Variants in PTPRD observed in about 807,000 individuals in gnomAD.
The protein encoded by PTPRD is receptor-type tyrosine-protein phosphatase delta.
Under a neutral mutation model 214.5 loss-of-function variants are expected in PTPRD, and 34 were observed. The observed-to-expected ratio is 0.16, with a 90% CI of 0.12 to 0.21. The LOEUF is 0.21. PTPRD is among the 10% of genes least tolerant of loss of function. The pLI is 1.00. For synonymous variants in PTPRD, 1,128 were observed against 845.7 expected, an observed-to-expected ratio of 1.33 and a Z score of -5.79; for missense variants, 2,545 against 2,398.7, an observed-to-expected ratio of 1.06 and a Z score of -1.27.
At chr9:9,397,119 A>G (rs978284708) in intron 9 of PTPRD, among the ~76,000 whole-genome samples, 20 of 152,030 alleles carry the variant, frequency 1.3e-4, no homozygotes, top group African/African-American at 4.6e-4. Flanking sequence ...TCTGCTATCA[A>G]TCTAAAAACT....
At chr9:9,738,439 C>T (rs1293590306) in intron 6 of PTPRD, among the ~76,000 whole-genome samples, 22 of 76,502 alleles carry the variant, frequency 2.9e-4, no homozygotes, top group East Asian at 1.3e-3. Flanking sequence ...CACTCACTCA[C>T]TTTTTTTTTT....
chr9:8,853,210 T>C (rs745332977), intron 11 of PTPRD, among the ~76,000 whole-genome samples: 1 of 152,180 alleles, frequency 6.6e-6, no homozygotes, highest in Non-Finnish European at 1.5e-5. Context: ...GGCATTATTA[T>C]TTAGGTTACA....
rs2099952358 is a variant in PTPRD, at chr9:9,216,523, G to A, written c.-202-33160C>T. ...CTCTCCAGCCTCAAAGACTAAGCCT[G>A]ATTAACTACACAGCCGTCATCTTCC... On this transcript the variant is annotated intron_variant, in intron 9 of 45. Coordinates refer to ENST00000381196, the MANE Select transcript of PTPRD (RefSeq NM_002839.4). Among the ~76,000 whole-genome samples, 7 of 152,114 alleles carry A rather than the reference G, an allele frequency of 4.6e-5. No individual in the cohort carries two copies. The South Asian group carries it at 1.5e-3, about 32-fold the overall frequency.
Position 8,416,726 on chromosome 9 carries a change from C to A in PTPRD, c.4087-12066G>T, listed in dbSNP as rs76148867. On this transcript the variant is annotated intron_variant, in intron 35 of 45. Transcript: ENST00000381196. ...CCAAAGGATGGTAGTGAGAAATAATCAGGTTAAATTACTTCTGATTTTGAG... is the reference window on the plus strand; with the variant it reads ...CCAAAGGATGGTAGTGAGAAATAATAAGGTTAAATTACTTCTGATTTTGAG... Among the ~76,000 whole-genome samples the A allele has an allele frequency of 3.3e-5, 5 of 152,212 alleles. No homozygotes were observed. In the East Asian group the frequency reaches 9.6e-4, roughly 29 times the overall value.
At chr9:9,356,766 T>A (rs1384101104) in intron 9 of PTPRD, among the ~76,000 whole-genome samples, 1 of 151,404 alleles carries the variant, frequency 6.6e-6, no homozygotes, top group East Asian at 1.9e-4. Flanking sequence ...TCCCTCTAGG[T>A]TTGATTTTCA....
At chr9:8,705,852 G>C (rs2098194852) in intron 12 of PTPRD, among the ~76,000 whole-genome samples, 2 of 152,080 alleles carry the variant, frequency 1.3e-5, no homozygotes, top group African/African-American at 2.4e-5. Context: ...ATAGCACCTA[G>C]CATTTATATT....
At chr9:9,546,945 A>G (rs2078939705) in intron 8 of PTPRD, among the ~76,000 whole-genome samples, 1 of 151,358 alleles carries the variant, frequency 6.6e-6, no homozygotes, top group African/African-American at 2.4e-5. Context: ...AAGTTCTCCA[A>G]ATCAAAATGG....
In PTPRD at chr9:9,430,062, C is replaced by T. The variant is rs556184256; in HGVS notation, c.-236-32580G>A. ...GGAAGTTCTGGCCAGGGCAATCAGG[C>T]AGGAGAAAGAGATAAAGGGTATTCA... is the stretch of plus-strand genomic sequence containing the variant. On this transcript the variant is annotated intron_variant, in intron 8 of 45. Coordinates refer to ENST00000381196, the MANE Select transcript of PTPRD (RefSeq NM_002839.4). 3.3e-5 allele frequency among the ~76,000 whole-genome samples: 5 copies of T among 152,238 alleles called. No homozygotes were observed. The South Asian group carries it at 8.3e-4, about 25-fold the overall frequency.
At chr9:9,856,170 C>G (rs2061516081) in intron 5 of PTPRD, among the ~76,000 whole-genome samples, 1 of 152,166 alleles carries the variant, frequency 6.6e-6, no homozygotes, top group Non-Finnish European at 1.5e-5. Flanking sequence ...CACCGTCAAG[C>G]TGTCCCTCTG....
At chr9:9,326,151 T>C (rs7853950) in intron 9 of PTPRD, among the ~76,000 whole-genome samples, 16,687 of 152,004 alleles carry the variant, frequency 0.11, 1,162 homozygotes, top group Non-Finnish European at 0.16. Flanking sequence ...TTGAGGAAAA[T>C]AAGGCACAGA....
At chr9:10,215,715 T>C (rs2099538126) in intron 3 of PTPRD, among the ~76,000 whole-genome samples, 1 of 152,048 alleles carries the variant, frequency 6.6e-6, no homozygotes, top group African/African-American at 2.4e-5. Flanking sequence ...ATAGTGTTAT[T>C]TGTAACAAAC....
chr9:8,453,339 A>AT (rs1193897015), intron 33 of PTPRD, among the ~76,000 whole-genome samples: 2 of 151,478 alleles, frequency 1.3e-5, no homozygotes, highest in Non-Finnish European at 2.9e-5. Context: ...AATTTTTTGT[A>AT]TTTTTTAGTA....
intron 8 of PTPRD, among the ~76,000 whole-genome samples, chr9:9,534,212 A>G (rs2154266620): frequency 6.6e-6 from 1 of 152,268 alleles, no homozygotes; most frequent in Non-Finnish European, 1.5e-5. Flanking sequence ...ATGTTTCTCT[A>G]TAAAATATGA....
chr9:10,093,572 C>A (rs1563752409), intron 3 of PTPRD, among the ~76,000 whole-genome samples: 1 of 151,414 alleles, frequency 6.6e-6, no homozygotes, highest in Non-Finnish European at 1.5e-5. Context: ...TACTTTTTGA[C>A]CTAGTAATCC....
At chr9:9,803,428 A>G (rs2099054056) in intron 5 of PTPRD, among the ~76,000 whole-genome samples, 1 of 152,062 alleles carries the variant, frequency 6.6e-6, no homozygotes, top group African/African-American at 2.4e-5. Context: ...AGAAATAATT[A>G]TTTATTTTCT....
At chr9:9,238,415 C>CT (rs35077950) in intron 9 of PTPRD, among the ~76,000 whole-genome samples, 1 of 152,070 alleles carries the variant, frequency 6.6e-6, no homozygotes, top group African/African-American at 2.4e-5. Context: ...ACAGACTCCA[C>CT]TTTTTGGAGT....
intron 11 of PTPRD, among the ~76,000 whole-genome samples, chr9:8,933,189 G>A (rs1321377589): frequency 6.6e-6 from 1 of 151,876 alleles, no homozygotes; most frequent in Admixed American, 6.6e-5. Context: ...CGCCCTTCAT[G>A]GGCTGCACCC....
chr9:8,649,923 T>C (rs1210876356), intron 12 of PTPRD, among the ~76,000 whole-genome samples: 3 of 152,106 alleles, frequency 2.0e-5, no homozygotes, highest in Admixed American at 1.3e-4. Context: ...ATGTTTTAAT[T>C]TGTTTTTTTG....
At chr9:10,353,942 A>C (rs1357382657) in intron 2 of PTPRD, among the ~76,000 whole-genome samples, 1 of 152,094 alleles carries the variant, frequency 6.6e-6, no homozygotes, top group Non-Finnish European at 1.5e-5. Flanking sequence ...TCAATTGAGT[A>C]AATTTTTTAC....
Sources: allele counts gnomAD v4.1 joint callset (sites outside exome capture counted in the v4.1 genomes callset), GRCh38; gene constraint gnomAD v4.1.1; transcripts MANE v1.5; gene names NCBI Gene and HGNC (gene_info 2026-07-23, HGNC 2026-07-21).